SHC3: variants seen among roughly 807,000 people sequenced by gnomAD.
SHC3 encodes SHC-transforming protein 3.
SHC3 carries 15 observed loss-of-function variants against 60.4 expected under a neutral mutation model. That is an observed-to-expected ratio of 0.25 (90% CI 0.17 to 0.38). The LOEUF (loss-of-function observed/expected upper bound fraction) is 0.38, where lower values mean the gene tolerates loss of function less well. Among genes scored for constraint, SHC3 ranks in the 10% least tolerant of loss-of-function variants. The pLI, the probability that SHC3 is intolerant of heterozygous loss-of-function variation, is 1.00. For synonymous variants in SHC3, 294 were observed against 325.9 expected, an observed-to-expected ratio of 0.90 and a Z score of 1.05; for missense variants, 677 against 786.1, an observed-to-expected ratio of 0.86 and a Z score of 1.66.
Position 89,064,419 on chromosome 9 carries a change from G to A in SHC3, c.835+1110C>T, listed in dbSNP as rs137909199. Among the ~76,000 whole-genome samples the A allele has an allele frequency of 2.3e-3, 353 of 152,262 alleles. 1 individual carries two copies. Among genetic ancestry groups the A allele is most frequent in the African/African-American group, 8.0e-3 (334 of 41,550 alleles). On this transcript the variant is annotated intron_variant, in intron 6 of 11. Transcript: ENST00000375835. Reference sequence around the variant, plus strand: ...TGGAATCGATCCTGATTCCCATGTCGCTGGACAGGAACTGTATTGTGGGCA... The same window carrying A: ...TGGAATCGATCCTGATTCCCATGTCACTGGACAGGAACTGTATTGTGGGCA...
chr9:89,014,672 T>C (rs1240951103), intron 11 of SHC3, among the ~76,000 whole-genome samples: 1 of 152,106 alleles, frequency 6.6e-6, no homozygotes, highest in East Asian at 1.9e-4. Flanking sequence ...CATTCTCCTG[T>C]TTTCCCCAAT....
chr9:89,119,397 G>A (rs150202357), intron 1 of SHC3, among the ~76,000 whole-genome samples: 2 of 151,754 alleles, frequency 1.3e-5, no homozygotes, highest in Non-Finnish European at 2.9e-5. Context: ...CCCTTCACAG[G>A]TTAAAAATAT....
At chr9:89,027,156 C>T (rs139141162) in intron 11 of SHC3, among the ~76,000 whole-genome samples, 1 of 152,284 alleles carries the variant, frequency 6.6e-6, no homozygotes, top group Admixed American at 6.5e-5. Flanking sequence ...TCCCCTGGGG[C>T]TAGACGCATT....
At chr9:89,120,538 G>C (rs12344702) in intron 1 of SHC3, among the ~76,000 whole-genome samples, 1 of 152,192 alleles carries the variant, frequency 6.6e-6, no homozygotes, top group African/African-American at 2.4e-5. Flanking sequence ...CAAATTTGGT[G>C]AGAACACAGG....
At chr9:89,135,248 C>T (rs79608074) in intron 1 of SHC3, among the ~76,000 whole-genome samples, 3 of 152,060 alleles carry the variant, frequency 2.0e-5, no homozygotes, top group African/African-American at 7.2e-5. Flanking sequence ...GGCCTCATAC[C>T]TTTTCTACAG....
chr9:89,068,625 T>C (rs934476924), intron 5 of SHC3, among the ~76,000 whole-genome samples: 9 of 152,036 alleles, frequency 5.9e-5, no homozygotes, highest in Non-Finnish European at 2.9e-5. Context: ...ATATAAAAGG[T>C]TGTGGATTAC....
chr9:89,110,437 A>G lies in SHC3; in HGVS notation c.545+2119T>C, dbSNP rs953647586. 6 of 985,074 alleles carry G rather than the reference A, an allele frequency of 6.1e-6. No homozygotes were observed. In the African/African-American group the frequency reaches 8.7e-5, roughly 14 times the overall value. 61.0% of individuals were successfully genotyped at this position (985,074 alleles called of 1,614,324 possible). A position where few individuals can be genotyped will look rare whatever the true frequency, so the allele number is the denominator to read the frequency against. On this transcript the variant is annotated intron_variant, in intron 2 of 11. Transcript: ENST00000375835. Reference sequence around the variant, plus strand: ...CAAGAATTTCTTTAGTATATAAAGTAAACCATGGCAGTGGAGTTTAATCAC... The same window carrying G: ...CAAGAATTTCTTTAGTATATAAAGTGAACCATGGCAGTGGAGTTTAATCAC...
intron 5 of SHC3, among the ~76,000 whole-genome samples, chr9:89,067,337 G>A (rs916857693): frequency 5.2e-4 from 79 of 152,296 alleles, no homozygotes; most frequent in African/African-American, 1.8e-3. Context: ...GGTTGGACAG[G>A]TGTCTTCTCC....
rs560891023 is a variant in SHC3 at position 89,038,712 on chromosome 9, C to G, written c.1361-424G>C. Among the ~76,000 whole-genome samples the G allele has an allele frequency of 2.6e-5, 4 of 152,360 alleles. No individual in the cohort carries two copies. In the South Asian group the frequency reaches 8.3e-4, roughly 32 times the overall value. Reference sequence around the variant, plus strand: ...AATCTGCCAATACCAAAGGGAAAGACAAGCTACAAAGCTTTGATTTTATGC... The same window carrying G: ...AATCTGCCAATACCAAAGGGAAAGAGAAGCTACAAAGCTTTGATTTTATGC... On this transcript the variant is annotated intron_variant, in intron 10 of 11. Transcript: ENST00000375835.
At chr9:89,100,940 A>C (rs1825774193) in intron 2 of SHC3, among the ~76,000 whole-genome samples, 1 of 152,204 alleles carries the variant, frequency 6.6e-6, no homozygotes, top group African/African-American at 2.4e-5. Context: ...TCAGCTTGTC[A>C]ATTTCTACAA....
intron 11 of SHC3, among the ~76,000 whole-genome samples, chr9:89,035,086 G>A (rs192601893): frequency 6.0e-4 from 91 of 152,256 alleles, no homozygotes; most frequent in Admixed American, 4.2e-3. Context: ...TTCCTCTGTT[G>A]GATTACCAAT....
intron 11 of SHC3, among the ~76,000 whole-genome samples, chr9:89,016,708 A>T (rs9410441): frequency 0.9 from 137,064 of 152,164 alleles, 62,207 homozygotes; most frequent in East Asian, 1. Context: ...CCAAACAAAG[A>T]CATTAAAAGA....
At position 89,010,258 on chromosome 9, in the gene SHC3, G is replaced by A. The variant is rs1825998229; in HGVS notation, c.*3189C>T. The A allele has an allele frequency of 6.6e-6, 1 of 152,226 alleles. No homozygotes were observed. The highest frequency in any genetic ancestry group is 1.5e-5 in the Non-Finnish European group (1 of 68,054). The allele number at this position is 152,226 out of a possible 1,614,324, so 9.4% of individuals were successfully genotyped here. On this transcript the variant is annotated 3_prime_UTR_variant, in exon 12 of 12. Coordinates refer to ENST00000375835, the MANE Select transcript of SHC3 (RefSeq NM_016848.6). ...AAAAACAGCAACAGTGGTGTCTTAA[G>A]CACAGGATTAAAGATTGAGTCATTT...
At chr9:89,028,690 T>C (rs958704040) in intron 11 of SHC3, among the ~76,000 whole-genome samples, 4 of 145,178 alleles carry the variant, frequency 2.8e-5, no homozygotes, top group Non-Finnish European at 6.0e-5. Context: ...AGAGATAATC[T>C]ATATCTATAT....
chr9:89,136,108 C>G (rs1407063943), intron 1 of SHC3, among the ~76,000 whole-genome samples: 1 of 151,256 alleles, frequency 6.6e-6, no homozygotes, highest in Non-Finnish European at 1.5e-5. Flanking sequence ...CCTGAGGAGC[C>G]CCAGTAGTTA....
intron 1 of SHC3, among the ~76,000 whole-genome samples, chr9:89,120,597 C>A (rs758456027): frequency 6.6e-6 from 1 of 152,138 alleles, no homozygotes; most frequent in Non-Finnish European, 1.5e-5. Flanking sequence ...TTTGATGAAG[C>A]CTTCTTGGAA....
intron 1 of SHC3, among the ~76,000 whole-genome samples, chr9:89,138,065 C>T (rs1033620894): frequency 5.3e-5 from 8 of 152,288 alleles, no homozygotes; most frequent in Admixed American, 2.6e-4. Flanking sequence ...TGATGCTTCT[C>T]GCCTTGCCCT....
intron 1 of SHC3, among the ~76,000 whole-genome samples, chr9:89,177,589 T>A (rs1396637311): frequency 2.6e-5 from 4 of 152,236 alleles, no homozygotes; most frequent in East Asian, 3.9e-4. Context: ...ACTCCGTGCA[T>A]CTCTCCTCCC....
At chr9:89,019,281 T>G (rs1246100516) in intron 11 of SHC3, among the ~76,000 whole-genome samples, 1 of 152,196 alleles carries the variant, frequency 6.6e-6, no homozygotes, top group Non-Finnish European at 1.5e-5. Context: ...TTGCCATTTT[T>G]AGGTAGAAGT....
Sources: gnomAD v4.1 joint callset for allele counts (sites outside exome capture counted in the v4.1 genomes callset) on GRCh38, gnomAD v4.1.1 for gene constraint, MANE v1.5 for transcripts, NCBI Gene and HGNC (gene_info 2026-07-23, HGNC 2026-07-21) for gene names.